The following DUSP16 variants were observed in gnomAD, a reference collection of about 807,000 sequenced individuals.
DUSP16 encodes the protein dual specificity phosphatase 16, also known as dual specificity protein phosphatase 16.
Under a neutral mutation model 58.3 loss-of-function variants are expected in DUSP16, and 21 were observed. The ratio of observed to expected loss-of-function variants is 0.36; its 90% CI spans 0.26 to 0.52. The LOEUF (loss-of-function observed/expected upper bound fraction) is 0.52, where lower values mean the gene tolerates loss of function less well. DUSP16 is among the 20% of genes least tolerant of loss of function. The pLI is 0.94. For synonymous variants in DUSP16, 320 were observed against 323.8 expected, an observed-to-expected ratio of 0.99 and a Z score of 0.12; for missense variants, 726 against 819.0, an observed-to-expected ratio of 0.89 and a Z score of 1.39.
In DUSP16 at chr12:12,480,276, G is replaced by A. The variant is rs746091774; in HGVS notation, c.762C>T (p.Ile254=). 11 of 1,614,200 alleles carry A rather than the reference G, an allele frequency of 6.8e-6. No individual in the cohort carries two copies. The highest frequency in any genetic ancestry group is 4.4e-5 in the South Asian group (4 of 91,088). Residue 254 remains isoleucine (I), a synonymous_variant, in exon 6 of 7, where the codon ATC becomes ATT. Transcript: ENST00000298573. ...CLAGISRSAT[I]AIAYIMKRMD... is the part of the protein sequence containing the mutation. ...TCCTCTTCATGATGTAGGCGATAGC[G>A]ATGGTGGCGGAGCGGGAGATCCCAG...
chr12:12,479,788 C>G (rs1233326028), intron 6 of DUSP16, among the ~76,000 whole-genome samples: 2 of 152,312 alleles, frequency 1.3e-5, no homozygotes, highest in African/African-American at 4.8e-5. Flanking sequence ...GACAGTTAAT[C>G]TGGTTCATAT....
intron 5 of DUSP16, among the ~76,000 whole-genome samples, chr12:12,482,359 TTC>T (rs756592721): frequency 3.9e-5 from 6 of 152,356 alleles, no homozygotes; most frequent in Admixed American, 1.3e-4. Context: ...AGGTTTCCTT[TTC>T]TCTGTTTTTC....
At chr12:12,558,071 A>C (rs1944836538) in intron 1 of DUSP16, among the ~76,000 whole-genome samples, 2 of 152,224 alleles carry the variant, frequency 1.3e-5, no homozygotes. Context: ...TTGCATATGT[A>C]TGTATCTCCC....
intron 1 of DUSP16, among the ~76,000 whole-genome samples, chr12:12,558,795 T>C (rs1040601337): frequency 2.7e-5 from 2 of 73,206 alleles, no homozygotes; most frequent in African/African-American, 6.9e-5. Context: ...GTTGCTGAGG[T>C]ATCAGAGGGC....
intron 1 of DUSP16, among the ~76,000 whole-genome samples, chr12:12,522,890 G>C (rs543109500): frequency 6.6e-6 from 1 of 152,196 alleles, no homozygotes; most frequent in African/African-American, 2.4e-5. Flanking sequence ...GATTGCAAAA[G>C]TTTATTATAT....
intron 1 of DUSP16, among the ~76,000 whole-genome samples, chr12:12,548,630 C>CAAAAAAAAAAAA (rs898316799): frequency 3.2e-5 from 2 of 63,270 alleles, no homozygotes; most frequent in Non-Finnish European, 6.2e-5. Context: ...GACTCTGTCT[C>CAAAAAAAAAAAA]AAAAAAAAAA....
Position 12,477,961 on chromosome 12 carries a change from T to C in DUSP16, c.870A>G (p.Gln290=), listed in dbSNP as rs771042875. ...TISPNFNFLG[Q]LLDYEKKIKN... ...TAATCTTCTTCTCATAGTCCAGGAG[T>C]TGGCCCAGAAAATTGAAGTTTGGAG... is the stretch of plus-strand genomic sequence containing the variant. Residue 290 remains glutamine, a synonymous_variant, in exon 7 of 7, where the codon CAA becomes CAG. Coordinates refer to ENST00000298573, the MANE Select transcript of DUSP16 (RefSeq NM_030640.3). This position sits in a 1 kb window ranked among gnomAD's most constrained non-coding sequence, Gnocchi z 4.1. 6.2e-7 allele frequency: 1 copy of C among 1,610,128 alleles called. No homozygotes were observed. The highest frequency in any genetic ancestry group is 1.3e-5 in the African/African-American group (1 of 74,854).
At chr12:12,554,898 T>C (rs1387819216) in intron 1 of DUSP16, among the ~76,000 whole-genome samples, 2 of 152,210 alleles carry the variant, frequency 1.3e-5, no homozygotes, top group African/African-American at 4.8e-5. Context: ...CCAAGATGTT[T>C]AACTAAAGCT....
intron 4 of DUSP16, among the ~76,000 whole-genome samples, chr12:12,487,566 A>G (rs1025136760): frequency 6.6e-6 from 1 of 152,178 alleles, no homozygotes; most frequent in Non-Finnish European, 1.5e-5. Context: ...CTGGTTCTCT[A>G]AGATACAATT....
At chr12:12,505,862 A>T (rs572843872) in intron 3 of DUSP16, among the ~76,000 whole-genome samples, 2 of 152,248 alleles carry the variant, frequency 1.3e-5, no homozygotes, top group African/African-American at 4.8e-5. Flanking sequence ...TTCTCAACTG[A>T]TATCTAGAAC....
At chr12:12,557,303 A>T (rs1194554122) in intron 1 of DUSP16, among the ~76,000 whole-genome samples, 2 of 152,032 alleles carry the variant, frequency 1.3e-5, no homozygotes, top group Non-Finnish European at 2.9e-5. Context: ...AAATACAAAA[A>T]AAAATTAGCT....
Position 12,473,644 on chromosome 12 carries a change from C to T in DUSP16, c.*3189G>A, listed in dbSNP as rs1234771563. On this transcript the variant is annotated 3_prime_UTR_variant, in exon 7 of 7. Coordinates refer to ENST00000298573, the MANE Select transcript of DUSP16 (RefSeq NM_030640.3). ...ACCAACTTCAAGGTCACCTGTGATT[C>T]TTTCTGTAGTCAATATTCCATCTGT... is the stretch of plus-strand genomic sequence containing the variant. 6.6e-6 allele frequency among the ~76,000 whole-genome samples: 1 copy of T among 152,194 alleles called. No homozygotes were observed. Among genetic ancestry groups the T allele is most frequent in the Non-Finnish European group, 1.5e-5 (1 of 68,036 alleles).
At chr12:12,500,411 T>C (rs1353019949) in intron 4 of DUSP16, 108 bp downstream of exon 4, 8 of 1,315,434 alleles carry the variant, frequency 6.1e-6, no homozygotes, top group Middle Eastern at 2.1e-4. Context: ...GAGAATGGCA[T>C]AGCAGCTCCT....
intron 1 of DUSP16, among the ~76,000 whole-genome samples, chr12:12,554,342 T>C (rs1438819042): frequency 2.0e-5 from 3 of 152,018 alleles, no homozygotes; most frequent in Non-Finnish European, 4.4e-5. Context: ...ACTCCTGACC[T>C]CAAGCGATCC....
intron 1 of DUSP16, among the ~76,000 whole-genome samples, chr12:12,540,146 TA>T (rs1270768189): frequency 5.0e-5 from 7 of 140,784 alleles, no homozygotes; most frequent in East Asian, 2.0e-4. Context: ...AAAAAAAAAC[TA>T]AAAAAAAACA....
chr12:12,480,248 C>G lies in DUSP16; in HGVS notation c.790G>C (p.Asp264His), dbSNP rs1309447244. 6.2e-7 allele frequency: 1 copy of G among 1,614,192 alleles called. No individual in the cohort carries two copies. The highest frequency in any genetic ancestry group is 1.1e-5 in the South Asian group (1 of 91,068). ...CTGTAAGCTTCATCTAAAGACATGTCCATCCTCTTCATGATGTAGGCGATA... is the reference window on the plus strand; with the variant it reads ...CTGTAAGCTTCATCTAAAGACATGTGCATCCTCTTCATGATGTAGGCGATA... ...IAIAYIMKRM[D>H]MSLDEAYRFV... The change falls in exon 6 of 7, where the codon GAC becomes CAC. Residue 264 changes from aspartate to histidine, a missense_variant. Transcript: ENST00000298573.
At chr12:12,490,544 T>C (rs564959251) in intron 4 of DUSP16, among the ~76,000 whole-genome samples, 1 of 152,336 alleles carries the variant, frequency 6.6e-6, no homozygotes, top group East Asian at 1.9e-4. Context: ...AAATGATATA[T>C]ACATACTCGA....
intron 3 of DUSP16, 30 bp from the exon 4 acceptor site, chr12:12,500,712 AATT>A: frequency 6.7e-7 from 1 of 1,502,262 alleles, no homozygotes; most frequent in Non-Finnish European, 8.8e-7. Context: ...AATTATAAAA[AATT>A]ATGCCACGCA....
At chr12:12,521,810 T>C (rs1944241476) in intron 1 of DUSP16, among the ~76,000 whole-genome samples, 1 of 152,222 alleles carries the variant, frequency 6.6e-6, no homozygotes, top group Non-Finnish European at 1.5e-5. Flanking sequence ...CAAATAGTTT[T>C]CCTATATTTT....
Sources: gnomAD v4.1 joint callset for allele counts (sites outside exome capture counted in the v4.1 genomes callset) on GRCh38, gnomAD v4.1.1 for gene constraint, Gnocchi (gnomAD v3.1) non-coding constraint, MANE v1.5 for transcripts, NCBI Gene and HGNC (gene_info 2026-07-23, HGNC 2026-07-21) for gene names.